BLTP1: variants seen among roughly 807,000 people sequenced by gnomAD.
The protein encoded by BLTP1 is fragile site-associated protein.
At chr4:122,331,716 CATA>C in the BLTP1 span, 1 of 978,278 alleles carries the variant, frequency 1.0e-6, no homozygotes, top group Non-Finnish European at 1.2e-6. Context: ...TAAACAAGTG[CATA>C]ATATTTTCTG....
At chr4:122,263,013 T>C in the BLTP1 span, 5 of 1,601,424 alleles carry the variant, frequency 3.1e-6, no homozygotes, top group Non-Finnish European at 3.4e-6. Flanking sequence ...TAATTACATG[T>C]TTATATTTAC....
At chr4:122,347,915 A>G in the BLTP1 span, 1 of 633,696 alleles carries the variant, frequency 1.6e-6, no homozygotes, top group Non-Finnish European at 2.7e-6. Context: ...AAAAAAAAAA[A>G]ATCCCCAACA....
chr4:122,260,505 G>T, the BLTP1 span, among the ~76,000 whole-genome samples: 1 of 152,218 alleles, frequency 6.6e-6, no homozygotes, highest in Non-Finnish European at 1.5e-5. Context: ...TATAATTAAA[G>T]AAATGTAAAT....
the BLTP1 span, chr4:122,245,288 GATAGGAC>G: frequency 1.7e-6 from 1 of 603,254 alleles, no homozygotes; most frequent in Non-Finnish European, 2.9e-6. Context: ...CTCTGTAAAA[GATAGGAC>G]ATATAACTGT....
chr4:122,309,095 C>A, the BLTP1 span: 1 of 410,512 alleles, frequency 2.4e-6, no homozygotes, highest in Non-Finnish European at 3.3e-6. Context: ...ATGGCAAGTA[C>A]ATTGCACTTA....
At chr4:122,166,957 A>G in the BLTP1 span, among the ~76,000 whole-genome samples, 1 of 152,102 alleles carries the variant, frequency 6.6e-6, no homozygotes, top group Non-Finnish European at 1.5e-5. Context: ...TGACATGTTC[A>G]TATCATTCTT....
At chr4:122,261,172 G>T in the BLTP1 span, 1 of 458,082 alleles carries the variant, frequency 2.2e-6, no homozygotes, top group African/African-American at 2.1e-5. Context: ...TTCAATGATA[G>T]TTTGATATAC....
chr4:122,256,493 G>A, the BLTP1 span, among the ~76,000 whole-genome samples: 1 of 152,182 alleles, frequency 6.6e-6, no homozygotes, highest in African/African-American at 2.4e-5. Flanking sequence ...TGGACTTGGT[G>A]TTCCTCAGAA....
chr4:122,288,936 C>T, the BLTP1 span: 70 of 920,166 alleles, frequency 7.6e-5, no homozygotes, highest in East Asian at 3.8e-4. Context: ...GTATTAGGAA[C>T]GCTGAATATT....
the BLTP1 span, chr4:122,208,477 G>T: frequency 2.1e-6 from 2 of 968,008 alleles, no homozygotes; most frequent in African/African-American, 3.5e-5. Context: ...ATTATTAAAA[G>T]CCAGTTGAAG....
the BLTP1 span, among the ~76,000 whole-genome samples, chr4:122,317,936 G>C: frequency 6.6e-6 from 1 of 152,198 alleles, no homozygotes; most frequent in East Asian, 1.9e-4. Flanking sequence ...ATGCAGCAAT[G>C]GATAAGACAC....
the BLTP1 span, chr4:122,258,910 A>G: frequency 5.7e-3 from 5,376 of 948,472 alleles, 31 homozygotes; most frequent in Middle Eastern, 0.021. Flanking sequence ...TTTTATCTCA[A>G]ATTTAAATGT....
chr4:122,241,396 T>A, the BLTP1 span, among the ~76,000 whole-genome samples: 1 of 152,204 alleles, frequency 6.6e-6, no homozygotes, highest in East Asian at 1.9e-4. Flanking sequence ...TCATTTTAGT[T>A]TAATTTATTA....
At chr4:122,250,298 G>T in the BLTP1 span, 8 of 1,477,148 alleles carry the variant, frequency 5.4e-6, no homozygotes, top group Non-Finnish European at 7.4e-6. Flanking sequence ...TACAGATATT[G>T]TAGAGTACAG....
the BLTP1 span, chr4:122,187,878 T>A: frequency 6.4e-7 from 1 of 1,560,394 alleles, no homozygotes; most frequent in East Asian, 2.3e-5. Context: ...CTTATCTGTT[T>A]ATTTTTTTTT....
the BLTP1 span, chr4:122,207,677 A>G: frequency 6.9e-7 from 1 of 1,449,144 alleles, no homozygotes; most frequent in Non-Finnish European, 9.6e-7. Context: ...CCACAGGTGT[A>G]TTAGTAAATT....
the BLTP1 span, among the ~76,000 whole-genome samples, chr4:122,212,419 A>C: frequency 5.3e-5 from 8 of 152,224 alleles, no homozygotes; most frequent in East Asian, 1.5e-3. Context: ...AATAACTATA[A>C]AGGATTTAAA....
the BLTP1 span, chr4:122,223,000 A>G: frequency 1.1e-6 from 1 of 940,520 alleles, no homozygotes; most frequent in Non-Finnish European, 1.3e-6. Context: ...TAAAAATTTT[A>G]TACTGAGAAT....
the BLTP1 span, chr4:122,220,378 A>G: frequency 6.2e-7 from 1 of 1,613,554 alleles, no homozygotes; most frequent in Non-Finnish European, 8.5e-7. Flanking sequence ...TTTCTTGGAA[A>G]GACTATGTTT....
Sources: gnomAD v4.1 joint callset for allele counts (sites outside exome capture counted in the v4.1 genomes callset) on GRCh38, gnomAD v4.1.1 for gene constraint, MANE v1.5 for transcripts, NCBI Gene and HGNC (gene_info 2026-07-23, HGNC 2026-07-21) for gene names.